Variants in XDH observed in about 807,000 individuals in gnomAD.
The protein encoded by XDH is xanthine dehydrogenase.
XDH carries 138 observed loss-of-function variants against 156.1 expected under a neutral mutation model. The observed-to-expected ratio is 0.88, with a 90% CI of 0.77 to 1.02. XDH has a LOEUF of 1.02. Among genes scored for constraint, XDH ranks in the 50% least tolerant of loss-of-function variants. XDH has a pLI of 0.00. For missense variants in XDH, 1,849 were observed against 1,684.9 expected (o/e 1.10, Z -1.71); for synonymous variants, 669 against 625.7 (o/e 1.07, Z -1.03).
chr2:31,346,630 A>G (rs2148753788), intron 30 of XDH, 139 bp downstream of exon 30: 1 of 1,069,402 alleles, frequency 9.4e-7, no homozygotes, highest in South Asian at 1.3e-5. Flanking sequence ...ATCCTGTAAA[A>G]TCACACAAAC....
intron 6 of XDH, among the ~76,000 whole-genome samples, chr2:31,390,352 T>C (rs1414862988): frequency 1.3e-5 from 2 of 152,242 alleles, no homozygotes; most frequent in Non-Finnish European, 2.9e-5. Flanking sequence ...TGATAGCTCC[T>C]TTCATTTTGG....
chr2:31,387,685 GGAAATTTAAGCT>G, intron 8 of XDH, 114 bp downstream of exon 8: 1 of 926,028 alleles, frequency 1.1e-6, no homozygotes, highest in Non-Finnish European at 1.7e-6. Context: ...AAAATGGAAG[GGAAATTTAAGCT>G]GAAACATAAA....
chr2:31,371,958 T>G (rs1466061741), intron 17 of XDH, among the ~76,000 whole-genome samples: 1 of 152,230 alleles, frequency 6.6e-6, no homozygotes, highest in Non-Finnish European at 1.5e-5. Flanking sequence ...CTCACGTTGC[T>G]TGGCTTCAAA....
intron 34 of XDH, among the ~76,000 whole-genome samples, chr2:31,338,961 G>A (rs1414837962): frequency 6.6e-6 from 1 of 151,814 alleles, no homozygotes; most frequent in African/African-American, 2.4e-5. Flanking sequence ...CTGAGCTCAG[G>A]CAATCCACCC....
chr2:31,366,395 AGCTGCCGAAAACACTGGCAACC>A, intron 21 of XDH, among the ~76,000 whole-genome samples: 1 of 152,132 alleles, frequency 6.6e-6, no homozygotes, highest in South Asian at 2.1e-4. Flanking sequence ...GAGTAGGACC[AGCTGCCGAAAACACTGGCAACC>A]GCTGTCACAT....
At chr2:31,353,999 C>G (rs564686122) in intron 24 of XDH, among the ~76,000 whole-genome samples, 20 of 152,242 alleles carry the variant, frequency 1.3e-4, no homozygotes, top group Non-Finnish European at 2.6e-4. Flanking sequence ...AAAGACACAC[C>G]ACTCTTCCCT....
chr2:31,381,597 G>A (rs561823271), intron 12 of XDH, 36 bp downstream of exon 12: 2 of 1,605,702 alleles, frequency 1.2e-6, no homozygotes, highest in African/African-American at 2.7e-5. Context: ...TCTCCCCCAA[G>A]TCCTTCTTCC....
chr2:31,335,743 A>T lies in XDH; in HGVS notation c.*215T>A. The T allele has an allele frequency of 1.6e-6, 1 of 629,334 alleles. No homozygotes were observed. Among genetic ancestry groups the T allele is most frequent in the South Asian group, 1.9e-5 (1 of 52,946 alleles). 39.0% of individuals were successfully genotyped at this position (629,334 alleles called of 1,614,324 possible). A position where few individuals can be genotyped will look rare whatever the true frequency, so the allele number is the denominator to read the frequency against. ...GATCCTAATTGCATATTCACCATTT[A>T]GGCATAACAGTTTTGAATTTGCTTA... On this transcript the variant is annotated 3_prime_UTR_variant, in exon 36 of 36. Transcript: ENST00000379416.
chr2:31,412,858 T>TGCTA (rs1687379014), intron 1 of XDH, among the ~76,000 whole-genome samples: 1 of 152,358 alleles, frequency 6.6e-6, no homozygotes, highest in South Asian at 2.1e-4. Context: ...TTTCTGAAGA[T>TGCTA]GCTACATCAT....
In XDH at chr2:31,365,491, G is replaced by C. The variant is rs762324069; in HGVS notation, c.2510C>G (p.Thr837Ser). 11 of 1,614,074 alleles carry C rather than the reference G, an allele frequency of 6.8e-6. No homozygotes were observed. In the African/African-American group the frequency reaches 1.2e-4, roughly 18 times the overall value. Residue 837 changes from threonine (T) to serine (S), a missense_variant, in exon 23 of 36, where the codon ACT (threonine) becomes AGT (serine). Coordinates refer to ENST00000379416, the MANE Select transcript of XDH (RefSeq NM_000379.4). ...GGCCAGGAAGGGATGTCTGCCACCA[G>C]TTATCAGCATGTCCTCATCACGGTC... ...MLDRDEDMLI[T>S]GGRHPFLARY...
Position 31,344,676 on chromosome 2 carries a change from A to T in XDH, c.3404+8T>A. On this transcript the variant is annotated splice_region_variant and intron_variant, in intron 31 of 35. Transcript: ENST00000379416. ...CTATGAGCTGGGCAAGGACAACACC[A>T]TACTTACCTATAAAACCCAGTGGCA... 1 of 1,614,158 alleles carries T rather than the reference A, an allele frequency of 6.2e-7. No homozygotes were observed. Among genetic ancestry groups the T allele is most frequent in the Non-Finnish European group, 8.5e-7 (1 of 1,180,030 alleles).
intron 23 of XDH, 59 bp from the exon 24 acceptor site, chr2:31,364,303 TCTCCCTCTGATC>T (rs1360665086): frequency 6.5e-7 from 1 of 1,533,536 alleles, no homozygotes; most frequent in Non-Finnish European, 9.0e-7. Flanking sequence ...CACCTCTCTG[TCTCCCTCTGATC>T]CTCCCTCCCA....
chr2:31,378,055 GAAGAAAGAAAGA>G (rs149074112), intron 13 of XDH, among the ~76,000 whole-genome samples: 946 of 65,510 alleles, frequency 0.014, 42 homozygotes, highest in African/African-American at 0.04. Context: ...AGAAAGAAAG[GAAGAAAGAAAGA>G]AAGAAAGAAA....
Position 31,381,761 on chromosome 2 carries a change from C to T in XDH, c.1039-35G>A, listed in dbSNP as rs377133029. On this transcript the variant is annotated intron_variant, in intron 11 of 35. Coordinates refer to ENST00000379416, the MANE Select transcript of XDH (RefSeq NM_000379.4). ...GCAGAGAGCATGCAGTGAGAGCCCA[C>T]CCCAGGAAACCCCTGCTCACGTAGC... 2.5e-6 allele frequency: 4 copies of T among 1,573,880 alleles called. No homozygotes were observed. In the African/African-American group the frequency reaches 5.4e-5, roughly 21 times the overall value.
intron 10 of XDH, 91 bp from the exon 11 acceptor site, chr2:31,383,243 G>C (rs997453437): frequency 2.5e-6 from 4 of 1,590,056 alleles, no homozygotes; most frequent in African/African-American, 2.7e-5. Flanking sequence ...CCAGCAACTG[G>C]AGCAAGGCTG....
At chr2:31,390,779 C>A (rs1384001126) in intron 6 of XDH, among the ~76,000 whole-genome samples, 1 of 152,152 alleles carries the variant, frequency 6.6e-6, no homozygotes, top group Non-Finnish European at 1.5e-5. Context: ...AACTTATATG[C>A]TTACTGGCCA....
Position 31,366,735 on chromosome 2 carries a change from C to T in XDH, c.2322+135G>A. 2.2e-6 allele frequency: 3 copies of T among 1,392,766 alleles called. No individual in the cohort carries two copies. The South Asian group carries it at 3.5e-5, about 16-fold the overall frequency. The allele number at this position is 1,392,766 out of a possible 1,614,324, so 86.3% of individuals were successfully genotyped here. The stretch of plus-strand genomic sequence containing the variant: ...AGCTTGTTGGTGAAAGAGTCTGGCT[C>T]CAGGACTATGACACTCGAGTACCCT... On this transcript the variant is annotated intron_variant, in intron 21 of 35. Coordinates refer to ENST00000379416, the MANE Select transcript of XDH (RefSeq NM_000379.4).
At chr2:31,386,140 T>TA (rs1427923579) in intron 9 of XDH, among the ~76,000 whole-genome samples, 1 of 152,004 alleles carries the variant, frequency 6.6e-6, no homozygotes, top group Non-Finnish European at 1.5e-5. Context: ...TATCCCCATA[T>TA]AAAAAACAGA....
At chr2:31,410,897 T>G (rs1350825361) in intron 1 of XDH, among the ~76,000 whole-genome samples, 1 of 152,190 alleles carries the variant, frequency 6.6e-6, no homozygotes, top group Non-Finnish European at 1.5e-5. Context: ...AATGCCAGTA[T>G]TGGGAAAATT....
Sources: allele counts gnomAD v4.1 joint callset (sites outside exome capture counted in the v4.1 genomes callset), GRCh38; gene constraint gnomAD v4.1.1; transcripts MANE v1.5; gene names NCBI Gene and HGNC (gene_info 2026-07-23, HGNC 2026-07-21).